Variants in HIPK2 observed in about 807,000 individuals in gnomAD.
The protein encoded by HIPK2 is homeodomain interacting protein kinase 2.
A neutral mutation model predicts 113.7 loss-of-function variants in HIPK2; 27 were observed. The ratio of observed to expected loss-of-function variants is 0.24; its 90% confidence interval spans 0.17 to 0.33. The LOEUF is 0.33. Among genes scored for constraint, HIPK2 ranks in the 10% least tolerant of loss-of-function variants. The pLI is 1.00. For synonymous variants in HIPK2, 631 were observed against 642.2 expected, an observed-to-expected ratio of 0.98 and a Z score of 0.26; for missense variants, 1,257 against 1,588.0, an observed-to-expected ratio of 0.79 and a Z score of 3.54.
chr7:139,654,735 C>T (rs1424224729), intron 2 of HIPK2, among the ~76,000 whole-genome samples: 1 of 152,062 alleles, frequency 6.6e-6, no homozygotes, highest in African/African-American at 2.4e-5. Context: ...GCAACATGGA[C>T]GCTCACGAGT....
intron 2 of HIPK2, among the ~76,000 whole-genome samples, chr7:139,703,465 A>G (rs1794771366): frequency 6.6e-6 from 1 of 152,120 alleles, no homozygotes; most frequent in Non-Finnish European, 1.5e-5. Context: ...CATGGAGGTC[A>G]GAGGATGACA....
intron 9 of HIPK2, among the ~76,000 whole-genome samples, chr7:139,605,047 A>C (rs1292822423): frequency 3.3e-5 from 5 of 152,224 alleles, no homozygotes. Context: ...AGATCACCAA[A>C]TATCTGGAAC....
rs138659310 is a variant in HIPK2 at position 139,708,582 on chromosome 7, C to T, written c.1103+7350G>A. On this transcript the variant is annotated intron_variant, in intron 2 of 14. Transcript: ENST00000406875. ...GGCCCTACTGTTCTCAGGTTAGAGA[C>T]ATGTATTTGGCAGCTCTGTGGCAAG... Among the ~76,000 whole-genome samples the T allele has an allele frequency of 3.0e-3, 457 of 152,308 alleles. 2 individuals are homozygous for T. Among genetic ancestry groups the T allele is most frequent in the African/African-American group, 0.01 (433 of 41,578 alleles).
intron 2 of HIPK2, among the ~76,000 whole-genome samples, chr7:139,680,814 A>G (rs1318893356): frequency 3.3e-5 from 5 of 152,136 alleles, no homozygotes; most frequent in African/African-American, 1.2e-4. Context: ...TCTGAGAGAC[A>G]ATCTGAGCGG....
intron 1 of HIPK2, among the ~76,000 whole-genome samples, chr7:139,735,977 T>C (rs1462788319): frequency 1.3e-5 from 2 of 152,124 alleles, no homozygotes; most frequent in Non-Finnish European, 2.9e-5. Context: ...GGGCTCTGCA[T>C]TGCAGTGAGT....
intron 1 of HIPK2, among the ~76,000 whole-genome samples, chr7:139,723,582 T>A (rs1261163741): frequency 6.6e-6 from 1 of 152,236 alleles, no homozygotes; most frequent in African/African-American, 2.4e-5. Flanking sequence ...AGTTTCTTCA[T>A]AACTTTATAT....
intron 1 of HIPK2, among the ~76,000 whole-genome samples, chr7:139,749,201 C>G (rs569327564): frequency 4.4e-4 from 67 of 152,236 alleles, no homozygotes; most frequent in Admixed American, 9.2e-4. Context: ...CCTTAACATA[C>G]TGCTGGACGG....
chr7:139,731,351 A>C (rs561187733), intron 1 of HIPK2, among the ~76,000 whole-genome samples: 15 of 152,184 alleles, frequency 9.9e-5, no homozygotes, highest in Non-Finnish European at 1.6e-4. Context: ...TCCTCTCCTT[A>C]TGCAAATATA....
In HIPK2 at chr7:139,639,338, T is replaced by G. The variant is rs75911117; in HGVS notation, c.1104-7613A>C. 3.4e-3 allele frequency among the ~76,000 whole-genome samples: 514 copies of G among 152,336 alleles called. 3 individuals are homozygous for G. Among genetic ancestry groups the G allele is most frequent in the African/African-American group, 0.012 (494 of 41,570 alleles). On this transcript the variant is annotated intron_variant, in intron 2 of 14. Coordinates refer to ENST00000406875, the MANE Select transcript of HIPK2 (RefSeq NM_022740.5). ...CATGCTTAATCTTCAGGGAAGCTCATTCTGACAGTCATTCTGAGCCAGAAT... is the reference window on the plus strand; with the variant it reads ...CATGCTTAATCTTCAGGGAAGCTCAGTCTGACAGTCATTCTGAGCCAGAAT...
intron 7 of HIPK2, among the ~76,000 whole-genome samples, chr7:139,619,140 A>G (rs536639004): frequency 6.6e-6 from 1 of 152,288 alleles, no homozygotes; most frequent in East Asian, 1.9e-4. Flanking sequence ...GCTAGGCCTG[A>G]GCAGGCCAAT....
chr7:139,584,351 GCAGCAGAGCT>G (rs1260881907), intron 12 of HIPK2, among the ~76,000 whole-genome samples: 1 of 152,312 alleles, frequency 6.6e-6, no homozygotes, highest in East Asian at 1.9e-4. Context: ...CTCTTCCTGT[GCAGCAGAGCT>G]CAGCAGAGCT....
chr7:139,659,720 C>T (rs1585341911), intron 2 of HIPK2, among the ~76,000 whole-genome samples: 1 of 151,706 alleles, frequency 6.6e-6, no homozygotes, highest in South Asian at 2.1e-4. Context: ...GTCTCCAGCC[C>T]ACGAACTTCT....
chr7:139,676,633 G>A (rs1233123711), intron 2 of HIPK2, among the ~76,000 whole-genome samples: 2 of 152,116 alleles, frequency 1.3e-5, no homozygotes, highest in Non-Finnish European at 1.5e-5. Flanking sequence ...AGCTAGATAT[G>A]AGTCCCCCTT....
Position 139,590,942 on chromosome 7 carries a change from G to A in HIPK2, c.2717+5775C>T, listed in dbSNP as rs142079614. ...TCATTGCAGCCTCGAACTCCTGGGC[G>A]GAAGCAATCCTCCCATCTCAGCTTC... On this transcript the variant is annotated intron_variant, in intron 12 of 14. Coordinates refer to ENST00000406875, the MANE Select transcript of HIPK2 (RefSeq NM_022740.5). Among the ~76,000 whole-genome samples the A allele has an allele frequency of 2.6e-3, 395 of 152,252 alleles. 3 individuals are homozygous for A. Among genetic ancestry groups the A allele is most frequent in the African/African-American group, 8.7e-3 (363 of 41,546 alleles).
intron 2 of HIPK2, among the ~76,000 whole-genome samples, chr7:139,641,798 T>C (rs1183409775): frequency 1.3e-5 from 2 of 152,326 alleles, no homozygotes; most frequent in East Asian, 1.9e-4. Flanking sequence ...ATTTACATAG[T>C]TCACTGACAA....
At chr7:139,639,764 T>C (rs1260389950) in intron 2 of HIPK2, among the ~76,000 whole-genome samples, 1 of 152,204 alleles carries the variant, frequency 6.6e-6, no homozygotes, top group Non-Finnish European at 1.5e-5. Flanking sequence ...TACACATTTG[T>C]AGAAGGAATG....
intron 2 of HIPK2, among the ~76,000 whole-genome samples, chr7:139,669,502 C>T (rs1277935937): frequency 6.6e-6 from 1 of 152,166 alleles, no homozygotes; most frequent in African/African-American, 2.4e-5. Context: ...AATGAGACAT[C>T]TGGTTCTCCA....
intron 13 of HIPK2, among the ~76,000 whole-genome samples, chr7:139,576,552 C>G (rs1051409366): frequency 6.6e-6 from 1 of 152,206 alleles, no homozygotes; most frequent in African/African-American, 2.4e-5. Flanking sequence ...GGAGCCTCTT[C>G]AGAGCCCAGT....
rs950529985 is a variant in HIPK2, at chr7:139,568,627, A to C, written c.*4300T>G. 2.0e-5 allele frequency: 3 copies of C among 152,226 alleles called. No homozygotes were observed. The highest frequency in any genetic ancestry group is 7.2e-5 in the African/African-American group (3 of 41,442). The allele number at this position is 152,226 out of a possible 1,614,324, so 9.4% of individuals were successfully genotyped here. ...TCAAATGGGAAGGAGGGAGCCCACA[A>C]AAGACTAGAGGATGCTCTAGATGAT... On this transcript the variant is annotated 3_prime_UTR_variant, in exon 15 of 15. Coordinates refer to ENST00000406875, the MANE Select transcript of HIPK2 (RefSeq NM_022740.5).
Sources: allele counts gnomAD v4.1 joint callset (sites outside exome capture counted in the v4.1 genomes callset), GRCh38; gene constraint gnomAD v4.1.1; transcripts MANE v1.5; gene names NCBI Gene and HGNC (gene_info 2026-07-23, HGNC 2026-07-21).